Variants in FANCM observed in about 807,000 individuals in gnomAD.
FANCM encodes the protein FA complementation group M.
Under a neutral mutation model 199.5 loss-of-function variants are expected in FANCM, and 140 were observed. The observed-to-expected ratio is 0.70, with a 90% CI of 0.61 to 0.81. The LOEUF (loss-of-function observed/expected upper bound fraction) is 0.81, where lower values mean the gene tolerates loss of function less well. FANCM is among the 30% of genes least tolerant of loss of function. The probability of loss-of-function intolerance (pLI) is 0.00; values close to 1 mark genes in which losing one functional copy is unlikely to be tolerated. For missense variants in FANCM, 2,410 were observed against 2,421.4 expected, an observed-to-expected ratio of 1.00 and a Z score of 0.10; for synonymous variants, 840 against 836.8, an observed-to-expected ratio of 1.00 and a Z score of -0.07.
chr14:45,163,210 A>G lies in FANCM; in HGVS notation c.1582-1149A>G, dbSNP rs183959117. 8.4e-3 allele frequency among the ~76,000 whole-genome samples: 1,282 copies of G among 152,336 alleles called. 9 individuals carry two copies. The highest frequency in any genetic ancestry group is 0.012 in the Non-Finnish European group (797 of 68,032). On this transcript the variant is annotated intron_variant, in intron 9 of 22. Coordinates refer to ENST00000267430, the MANE Select transcript of FANCM (RefSeq NM_020937.4). ...TGATTATTAGTGAGACATTAGGCAA[A>G]TAGCTTAACTTTTCAGATTTTCAGA... is the stretch of plus-strand genomic sequence containing the variant.
rs547577737 is a variant in FANCM at position 45,141,963 on chromosome 14, G to A, written c.759+1254G>A. Among the ~76,000 whole-genome samples the A allele has an allele frequency of 5.3e-5, 8 of 152,044 alleles. No homozygotes were observed. In the South Asian group the frequency reaches 1.7e-3, roughly 32 times the overall value. ...TCCCTAAAACCTGTTAAAAATACAG[G>A]ATATTTTTAAATAGTAAAATGATTT... On this transcript the variant is annotated intron_variant, in intron 3 of 22. Coordinates refer to ENST00000267430, the MANE Select transcript of FANCM (RefSeq NM_020937.4).
chr14:45,175,476 G>A lies in FANCM; in HGVS notation c.2722G>A (p.Ala908Thr), dbSNP rs1888615086. 4 of 1,608,834 alleles carry A rather than the reference G, an allele frequency of 2.5e-6. No homozygotes were observed. In the African/African-American group the frequency reaches 4.0e-5, roughly 16 times the overall value. Residue 908 changes from alanine to threonine, a missense_variant, in exon 14 of 23, where the codon GCC becomes ACC. By Grantham distance (58) the Ala-to-Thr change is moderately conservative. Coordinates refer to ENST00000267430, the MANE Select transcript of FANCM (RefSeq NM_020937.4). Reference sequence around the variant, plus strand: ...GACATCAGATACAGATGAAATTGCTGCCACATGTACTATTAATGAAAATGT... The same window carrying A: ...GACATCAGATACAGATGAAATTGCTACCACATGTACTATTAATGAAAATGT... ...KRTSDTDEIA[A>T]TCTINENVIK...
chr14:45,191,600 A>T (rs560800767), intron 20 of FANCM, among the ~76,000 whole-genome samples: 1 of 152,246 alleles, frequency 6.6e-6, no homozygotes, highest in Non-Finnish European at 1.5e-5. Context: ...TAGGATAGTG[A>T]TACTTTGAAG....
At chr14:45,158,439 G>GC (rs997108176) in intron 8 of FANCM, among the ~76,000 whole-genome samples, 1 of 143,076 alleles carries the variant, frequency 7.0e-6, no homozygotes, top group Admixed American at 7.1e-5. Flanking sequence ...TACCTCACCC[G>GC]CCCCCCAGCA....
At chr14:45,157,059 T>C (rs1020177937) in intron 8 of FANCM, among the ~76,000 whole-genome samples, 2 of 152,100 alleles carry the variant, frequency 1.3e-5, no homozygotes, top group Non-Finnish European at 2.9e-5. Context: ...TGTATGTTAA[T>C]TAGCTTGATT....
chr14:45,193,383 TGC>T (rs1367233397), intron 20 of FANCM, among the ~76,000 whole-genome samples: 10 of 152,288 alleles, frequency 6.6e-5, no homozygotes, highest in Non-Finnish European at 1.5e-4. Flanking sequence ...ATACTCCTAG[TGC>T]TCCCTCCCAC....
At chr14:45,149,018 A>G (rs945484052) in intron 4 of FANCM, 23 bp downstream of exon 4, 4 of 1,576,832 alleles carry the variant, frequency 2.5e-6, no homozygotes, top group African/African-American at 1.3e-5. Context: ...TATGACATTT[A>G]GGGATTTCAT....
rs765272439 is a variant in FANCM at position 45,154,664 on chromosome 14, A to G, written c.1184-33A>G. ...AATACATTTTATCAGTTTTATTATTATTTATTTGAAAACCTTTTCTTAATT... is the reference window on the plus strand; with the variant it reads ...AATACATTTTATCAGTTTTATTATTGTTTATTTGAAAACCTTTTCTTAATT... On this transcript the variant is annotated intron_variant, in intron 6 of 22. Transcript: ENST00000267430. The G allele has an allele frequency of 2.9e-6, 4 of 1,402,426 alleles. No homozygotes were observed. The South Asian group carries it at 5.1e-5, about 18-fold the overall frequency. 86.9% of individuals were successfully genotyped at this position (1,402,426 alleles called of 1,614,324 possible).
intron 12 of FANCM, among the ~76,000 whole-genome samples, chr14:45,171,644 A>G (rs1888346553): frequency 6.6e-6 from 1 of 151,896 alleles, no homozygotes. Flanking sequence ...GGTTGCTGCG[A>G]ATGTAATAAT....
At chr14:45,168,974 T>G (rs1196938589) in intron 11 of FANCM, among the ~76,000 whole-genome samples, 1 of 151,834 alleles carries the variant, frequency 6.6e-6, no homozygotes, top group Admixed American at 6.6e-5. Context: ...CAGGCTGGAG[T>G]GCAGTGGCAT....
intron 5 of FANCM, among the ~76,000 whole-genome samples, chr14:45,152,347 C>A (rs1886886924): frequency 6.6e-6 from 1 of 152,026 alleles, no homozygotes; most frequent in African/African-American, 2.4e-5. Flanking sequence ...TTCTTTTTAA[C>A]TTTTAAGAAG....
intron 3 of FANCM, among the ~76,000 whole-genome samples, chr14:45,141,149 G>A (rs1251244481): frequency 6.6e-6 from 1 of 151,732 alleles, no homozygotes; most frequent in Non-Finnish European, 1.5e-5. Flanking sequence ...TTAACCGGGC[G>A]TGGTGGTGGG....
At chr14:45,154,661 A>G (rs1052697630) in intron 6 of FANCM, 36 bp from the exon 7 acceptor site, 13 of 1,355,164 alleles carry the variant, frequency 9.6e-6, no homozygotes, top group Non-Finnish European at 1.3e-5. Flanking sequence ...CAGTTTTATT[A>G]TTATTTATTT....
intron 7 of FANCM, 32 bp from the exon 8 acceptor site, chr14:45,155,340 GA>G (rs748188103): frequency 8.2e-6 from 8 of 975,348 alleles, no homozygotes; most frequent in South Asian, 5.4e-5. Flanking sequence ...GAAAAAAACA[GA>G]AAAAAATTTT....
intron 20 of FANCM, among the ~76,000 whole-genome samples, chr14:45,193,197 A>C (rs1889871048): frequency 1.3e-5 from 2 of 152,188 alleles, no homozygotes; most frequent in Admixed American, 1.3e-4. Flanking sequence ...GAAACAAGAA[A>C]ATACCCTCTA....
chr14:45,145,136 A>G (rs1185438560), intron 3 of FANCM, among the ~76,000 whole-genome samples: 2 of 151,694 alleles, frequency 1.3e-5, no homozygotes, highest in African/African-American at 4.8e-5. Flanking sequence ...TCAGGGAGCT[A>G]GGGTCAGGAA....
rs369387144 is a variant in FANCM, at chr14:45,198,626, C to T, written c.5717-18C>T. 28 of 1,592,556 alleles carry T rather than the reference C, an allele frequency of 1.8e-5. No individual in the cohort carries two copies. Among genetic ancestry groups the T allele is most frequent in the Admixed American group, 5.0e-5 (3 of 59,650 alleles). On this transcript the variant is annotated intron_variant, in intron 21 of 22. Coordinates refer to ENST00000267430, the MANE Select transcript of FANCM (RefSeq NM_020937.4). Reference sequence around the variant, plus strand: ...ATTAGTTACTGAAGTTTGCCTTTCCCTAAATATGAATATTTAGGAGACACA... The same window carrying T: ...ATTAGTTACTGAAGTTTGCCTTTCCTTAAATATGAATATTTAGGAGACACA...
At chr14:45,193,046 G>A (rs767136333) in intron 20 of FANCM, among the ~76,000 whole-genome samples, 8 of 152,158 alleles carry the variant, frequency 5.3e-5, no homozygotes, top group Non-Finnish European at 1.0e-4. Flanking sequence ...GAAGAGACAA[G>A]CAATTACTGT....
chr14:45,166,608 C>T (rs1887993343), intron 10 of FANCM, among the ~76,000 whole-genome samples: 1 of 151,820 alleles, frequency 6.6e-6, no homozygotes, highest in Non-Finnish European at 1.5e-5. Context: ...AGGGAGACCC[C>T]ATCTCTACAA....
Sources: allele counts gnomAD v4.1 joint callset (sites outside exome capture counted in the v4.1 genomes callset), GRCh38; gene constraint gnomAD v4.1.1; transcripts MANE v1.5; gene names NCBI Gene and HGNC (gene_info 2026-07-23, HGNC 2026-07-21).